TMEM131: variants seen among roughly 807,000 people sequenced by gnomAD.
TMEM131 encodes 2610524E03Rik.
Under a neutral mutation model 211.6 loss-of-function variants are expected in TMEM131, and 66 were observed. That is an observed-to-expected ratio of 0.31 (90% CI 0.26 to 0.38). The LOEUF (loss-of-function observed/expected upper bound fraction) is 0.38, where lower values mean the gene tolerates loss of function less well. Among genes scored for constraint, TMEM131 ranks in the 10% least tolerant of loss-of-function variants. The probability of loss-of-function intolerance (pLI) is 1.00; values close to 1 mark genes in which losing one functional copy is unlikely to be tolerated. For synonymous variants in TMEM131, 844 were observed against 841.3 expected, an observed-to-expected ratio of 1.00 and a Z score of -0.06; for missense variants, 2,036 against 2,299.3, an observed-to-expected ratio of 0.89 and a Z score of 2.34.
At chr2:97,778,424 G>A (rs1432896300) in intron 31 of TMEM131, among the ~76,000 whole-genome samples, 2 of 152,094 alleles carry the variant, frequency 1.3e-5, no homozygotes, top group Non-Finnish European at 2.9e-5. Context: ...GGTGGCATGT[G>A]CCTGTAATCC....
intron 1 of TMEM131, among the ~76,000 whole-genome samples, chr2:97,959,213 G>C (rs1020696436): frequency 1.3e-5 from 2 of 152,142 alleles, no homozygotes; most frequent in Admixed American, 6.5e-5. Context: ...AAAGAAACGT[G>C]GGGGGAGACA....
chr2:97,954,531 G>A (rs920265799), intron 1 of TMEM131, among the ~76,000 whole-genome samples: 19 of 152,170 alleles, frequency 1.2e-4, no homozygotes, highest in Admixed American at 9.8e-4. Context: ...TCAGCCGGGC[G>A]CAGTGGCTCA....
intron 3 of TMEM131, 119 bp downstream of exon 3, chr2:97,908,539 G>T: frequency 1.5e-6 from 1 of 688,650 alleles, no homozygotes; most frequent in South Asian, 2.2e-5. Flanking sequence ...CATATAATGT[G>T]ATTTACAATT....
chr2:97,924,364 T>C lies in TMEM131; in HGVS notation c.249+3062A>G, dbSNP rs905076515. Among the ~76,000 whole-genome samples the C allele has an allele frequency of 2.5e-4, 38 of 152,178 alleles. 2 individuals carry two copies. The highest frequency in any genetic ancestry group is 3.4e-4 in the Non-Finnish European group (23 of 67,990). On this transcript the variant is annotated intron_variant, in intron 2 of 40. Coordinates refer to ENST00000186436, the MANE Select transcript of TMEM131 (RefSeq NM_015348.2). ...CGCCACTGCAAACCAGCCTGGGCAA[T>C]AGAGTGAGACCCTGTCTCTATGAAC...
chr2:97,973,792 G>C (rs1679408612), intron 1 of TMEM131, among the ~76,000 whole-genome samples: 1 of 152,190 alleles, frequency 6.6e-6, no homozygotes, highest in Non-Finnish European at 1.5e-5. Context: ...CCTTACCTCA[G>C]CTGTGGGGAA....
At chr2:97,935,743 C>T (rs1029636624) in intron 1 of TMEM131, among the ~76,000 whole-genome samples, 1 of 152,158 alleles carries the variant, frequency 6.6e-6, no homozygotes, top group Non-Finnish European at 1.5e-5. Flanking sequence ...AGAAAATTGG[C>T]AGCATCAGAA....
At position 97,802,507 on chromosome 2, in the gene TMEM131, C is replaced by T; in HGVS notation, c.2572G>A (p.Asp858Asn). ...EEEITLENPA[D>N]VPVYVQFIPL... ...ATAAACTGAACATAGACAGGAACAT[C>T]TGCAGGATTTTCTAAAGTAATCTCT... The change falls in exon 24 of 41, where the codon GAT becomes AAT. Residue 858 changes from aspartate to asparagine, a missense_variant. Coordinates refer to ENST00000186436, the MANE Select transcript of TMEM131 (RefSeq NM_015348.2). 6.2e-7 allele frequency: 1 copy of T among 1,611,956 alleles called. No individual in the cohort carries two copies. The highest frequency in any genetic ancestry group is 8.5e-7 in the Non-Finnish European group (1 of 1,179,228).
chr2:97,976,922 CTT>C, intron 1 of TMEM131, among the ~76,000 whole-genome samples: 1 of 128,170 alleles, frequency 7.8e-6, no homozygotes, highest in South Asian at 2.5e-4. Flanking sequence ...TTTTAATTGA[CTT>C]TTTAATAGAC....
At chr2:97,834,413 C>A (rs919100279) in intron 10 of TMEM131, among the ~76,000 whole-genome samples, 1 of 152,270 alleles carries the variant, frequency 6.6e-6, no homozygotes, top group East Asian at 1.9e-4. Context: ...TGTTTTCCAA[C>A]CTGTTAAGCA....
intron 11 of TMEM131, among the ~76,000 whole-genome samples, chr2:97,825,185 C>G (rs1330448909): frequency 6.6e-6 from 1 of 152,178 alleles, no homozygotes; most frequent in Non-Finnish European, 1.5e-5. Context: ...TGATCTAGGC[C>G]ACTTCTCAAG....
In TMEM131 at chr2:97,792,628, T is replaced by A. The variant is rs778323136; in HGVS notation, c.3902A>T (p.His1301Leu). 4 of 1,612,100 alleles carry A rather than the reference T, an allele frequency of 2.5e-6. No homozygotes were observed. The highest frequency in any genetic ancestry group is 1.7e-6 in the Non-Finnish European group (2 of 1,178,696). Residue 1301 changes from histidine (H) to leucine (L), a missense_variant, in exon 31 of 41, where the codon CAC (histidine) becomes CTC (leucine). Coordinates refer to ENST00000186436, the MANE Select transcript of TMEM131 (RefSeq NM_015348.2). ...TGGCGGTGGCAGAGGAGGCTGAGGG[T>A]GCTGCTCCAGCGGGCTGTGGGCATG... ...QHHAHSPLEQ[H>L]PQPPLPPPVP...
chr2:97,831,124 T>C (rs1559387060), intron 11 of TMEM131, among the ~76,000 whole-genome samples: 1 of 152,200 alleles, frequency 6.6e-6, no homozygotes. Flanking sequence ...CTCAGGCTGA[T>C]TGCTAAATCA....
At position 97,814,333 on chromosome 2, in the gene TMEM131, C is replaced by A; in HGVS notation, c.1348G>T (p.Asp450Tyr). ...AGGTAAATTGGCCTTTCCACAGGAT[C>A]AGCAGGGCTGTCTCGGATGTGAAAT... ...TLFHIRDSPADPVERPIYLTN... is the reference protein window; with the variant it reads ...TLFHIRDSPAYPVERPIYLTN... Residue 450 changes from aspartate (D) to tyrosine (Y), a missense_variant, in exon 14 of 41, where the codon GAT becomes TAT. Around this residue, in one of 3 missense-constraint regions of TMEM131, gnomAD observed 1,623 missense variants for 1,805.9 expected, o/e 0.90. Transcript: ENST00000186436. 2 of 1,613,712 alleles carry A rather than the reference C, an allele frequency of 1.2e-6. No individual in the cohort carries two copies. Among genetic ancestry groups the A allele is most frequent in the Non-Finnish European group, 1.7e-6 (2 of 1,179,824 alleles).
intron 11 of TMEM131, among the ~76,000 whole-genome samples, chr2:97,828,515 T>C (rs1297004316): frequency 1.3e-5 from 2 of 152,338 alleles, no homozygotes; most frequent in East Asian, 3.9e-4. Context: ...ATAGCAGGTT[T>C]ATCTACATCA....
chr2:97,912,856 GC>G (rs1370760544), intron 2 of TMEM131, among the ~76,000 whole-genome samples: 1 of 152,198 alleles, frequency 6.6e-6, no homozygotes, highest in East Asian at 1.9e-4. Context: ...AAGGGGATAT[GC>G]GGGAGGAAAA....
rs990741484 is a variant in TMEM131, at chr2:97,940,417, T to C, written c.188-12930A>G. Among the ~76,000 whole-genome samples the C allele has an allele frequency of 7.2e-5, 11 of 152,172 alleles. No homozygotes were observed. The East Asian group carries it at 1.5e-3, about 21-fold the overall frequency. ...ATCATGAGTGAACTCCCATTCACTA[T>C]TGCTTCAAAGAGAATAAAATACCTA... On this transcript the variant is annotated intron_variant, in intron 1 of 40. Transcript: ENST00000186436.
intron 31 of TMEM131, 116 bp downstream of exon 31, chr2:97,792,270 G>T: frequency 1.2e-6 from 1 of 831,126 alleles, no homozygotes; most frequent in Non-Finnish European, 1.8e-6. Context: ...ATAAATCTGA[G>T]CCAGAGGAAC....
At chr2:97,855,840 C>G (rs1673819960) in intron 5 of TMEM131, among the ~76,000 whole-genome samples, 1 of 152,128 alleles carries the variant, frequency 6.6e-6, no homozygotes, top group South Asian at 2.1e-4. Flanking sequence ...CATACTATTG[C>G]TACATCGCAT....
chr2:97,969,191 C>T (rs1413300231), intron 1 of TMEM131, among the ~76,000 whole-genome samples: 1 of 152,082 alleles, frequency 6.6e-6, no homozygotes, highest in Non-Finnish European at 1.5e-5. Context: ...GACCACTAGA[C>T]ATGTATAAAT....
Sources: allele counts gnomAD v4.1 joint callset (sites outside exome capture counted in the v4.1 genomes callset), GRCh38; gene constraint gnomAD v4.1.1; regional missense constraint gnomAD v4.1.1; transcripts MANE v1.5; gene names NCBI Gene and HGNC (gene_info 2026-07-23, HGNC 2026-07-21).